Variants in TASP1 observed in about 807,000 individuals in gnomAD.
The protein encoded by TASP1 is taspase 1.
TASP1 carries 16 observed loss-of-function variants against 56.6 expected under a neutral mutation model. The ratio of observed to expected loss-of-function variants is 0.28; its 90% CI spans 0.19 to 0.43. TASP1 has a LOEUF of 0.43. Ranked by LOEUF, TASP1 falls within the 20% of genes least tolerant of loss-of-function variation. TASP1 has a pLI of 1.00. For missense variants in TASP1, 393 were observed against 511.6 expected (o/e 0.77, Z 2.24); for synonymous variants, 179 against 184.2 (o/e 0.97, Z 0.23).
chr20:13,382,811 C>T, the TASP1 span, among the ~76,000 whole-genome samples: 6 of 152,060 alleles, frequency 3.9e-5, no homozygotes, highest in African/African-American at 1.2e-4. Context: ...TTTGCTATGC[C>T]ATAATTGTTG....
chr20:13,116,218 T>G, the TASP1 span, among the ~76,000 whole-genome samples: 1 of 152,192 alleles, frequency 6.6e-6, no homozygotes, highest in Non-Finnish European at 1.5e-5. Flanking sequence ...CTTAAGCTTA[T>G]TTTTTAATAC....
the TASP1 span, among the ~76,000 whole-genome samples, chr20:13,254,058 T>TA: frequency 3.2e-3 from 370 of 116,180 alleles, 1 homozygote; most frequent in Middle Eastern, 0.015. Flanking sequence ...TCATCTCTAC[T>TA]AAAAAAAAAA....
At chr20:13,145,473 C>T in the TASP1 span, among the ~76,000 whole-genome samples, 4 of 152,030 alleles carry the variant, frequency 2.6e-5, no homozygotes, top group East Asian at 7.7e-4. Context: ...AAACACTGTT[C>T]AAAGAAACCA....
intron 11 of TASP1, among the ~76,000 whole-genome samples, chr20:13,440,700 G>A (rs2043184628): frequency 6.6e-6 from 1 of 151,138 alleles, no homozygotes. Context: ...AAAAGAGGGA[G>A]AAATATAATA....
At chr20:13,403,709 C>T (rs1292823873) in intron 13 of TASP1, among the ~76,000 whole-genome samples, 1 of 152,028 alleles carries the variant, frequency 6.6e-6, no homozygotes, top group East Asian at 1.9e-4. Flanking sequence ...TAGCAAGACC[C>T]TGTCTTGACA....
the TASP1 span, among the ~76,000 whole-genome samples, chr20:13,152,925 C>T: frequency 6.6e-6 from 1 of 152,134 alleles, no homozygotes; most frequent in Admixed American, 6.6e-5. Flanking sequence ...TTACAAACAC[C>T]CATGAGTGAT....
intron 4 of TASP1, among the ~76,000 whole-genome samples, chr20:13,597,179 T>A (rs2047764414): frequency 1.3e-5 from 2 of 152,188 alleles, no homozygotes; most frequent in African/African-American, 4.8e-5. Context: ...CTAACTCATT[T>A]TATGAGGCCA....
chr20:13,551,805 C>A (rs928868358), intron 8 of TASP1, among the ~76,000 whole-genome samples: 1 of 152,158 alleles, frequency 6.6e-6, no homozygotes, highest in African/African-American at 2.4e-5. Context: ...ACAATACAAC[C>A]ACTTTTTTCT....
chr20:13,611,698 C>T (rs1340616230), intron 4 of TASP1, among the ~76,000 whole-genome samples: 2 of 152,158 alleles, frequency 1.3e-5, no homozygotes, highest in Non-Finnish European at 2.9e-5. Context: ...TCCAGCTATA[C>T]CTTAAAATGA....
At chr20:13,388,978 C>T (rs2041185259), downstream of TASP1, among the ~76,000 whole-genome samples, 1 of 152,154 alleles carries the variant, frequency 6.6e-6, no homozygotes, top group Non-Finnish European at 1.5e-5. Context: ...AGGGCACTTC[C>T]TCCCCCTGAG....
At chr20:13,419,099 G>A (rs1474954) in intron 12 of TASP1, among the ~76,000 whole-genome samples, 93,965 of 151,990 alleles carry the variant, frequency 0.62, 29,690 homozygotes, top group Non-Finnish European at 0.69. Context: ...CAGTAGTGTT[G>A]TATCAATACT....
rs138990123 is a variant in TASP1 at position 13,468,080 on chromosome 20, T to C, written c.985+15147A>G. ...CAAAAAACAAAACCACATACACACATTTACAGCAAACACACTGAAAATTTT... is the reference window on the plus strand; with the variant it reads ...CAAAAAACAAAACCACATACACACACTTACAGCAAACACACTGAAAATTTT... On this transcript the variant is annotated intron_variant, in intron 11 of 13. Coordinates refer to ENST00000337743, the MANE Select transcript of TASP1 (RefSeq NM_017714.3). Among the ~76,000 whole-genome samples the C allele has an allele frequency of 5.4e-3, 820 of 152,070 alleles. 3 individuals are homozygous for C. Among genetic ancestry groups the C allele is most frequent in the African/African-American group, 0.019 (774 of 41,470 alleles).
intron 1 of TASP1, among the ~76,000 whole-genome samples, chr20:13,636,289 G>A (rs1224612081): frequency 6.6e-6 from 1 of 151,282 alleles, no homozygotes. Flanking sequence ...GGAATTACAG[G>A]CGCAGGCCAC....
In TASP1 at chr20:13,390,068, G is replaced by A. The variant is rs1044087286; in HGVS notation, c.*292C>T. On this transcript the variant is annotated 3_prime_UTR_variant, in exon 14 of 14. Transcript: ENST00000337743. ...TTGTAAAGATGATTTAACCATTCCT[G>A]GTCACACAATGAGGAGTTTCTATTT... The A allele has an allele frequency of 1.0e-5, 3 of 291,958 alleles. No individual in the cohort carries two copies. The highest frequency in any genetic ancestry group is 2.2e-5 in the African/African-American group (1 of 45,616). 18.1% of individuals were successfully genotyped at this position (291,958 alleles called of 1,614,324 possible). A position where few individuals can be genotyped will look rare whatever the true frequency, so the allele number is the denominator to read the frequency against.
chr20:13,356,974 C>T, the TASP1 span, among the ~76,000 whole-genome samples: 1 of 152,310 alleles, frequency 6.6e-6, no homozygotes, highest in South Asian at 2.1e-4. Flanking sequence ...GCTTGGCAGT[C>T]TTGCTCTGTT....
At chr20:13,117,670 T>G in the TASP1 span, 1 of 1,613,912 alleles carries the variant, frequency 6.2e-7, no homozygotes. Flanking sequence ...GATGTGCTCA[T>G]GGGCACATTC....
chr20:13,417,527 A>G lies in TASP1; in HGVS notation c.1097-6T>C. ...GTGGCTCCACAGAAATTCCACTGCCATAAAAGAGAACACAAATAGGCACAT... is the reference window on the plus strand; with the variant it reads ...GTGGCTCCACAGAAATTCCACTGCCGTAAAAGAGAACACAAATAGGCACAT... On this transcript the variant is annotated splice_polypyrimidine_tract_variant and splice_region_variant and intron_variant, in intron 12 of 13. Transcript: ENST00000337743. 6.2e-7 allele frequency: 1 copy of G among 1,614,116 alleles called. No homozygotes were observed. The highest frequency in any genetic ancestry group is 8.5e-7 in the Non-Finnish European group (1 of 1,179,974).
chr20:13,634,234 T>C (rs1300900744), intron 1 of TASP1, among the ~76,000 whole-genome samples: 1 of 152,206 alleles, frequency 6.6e-6, no homozygotes, highest in Non-Finnish European at 1.5e-5. Flanking sequence ...TGACACATAC[T>C]ATGTCATTAA....
chr20:13,466,431 T>C (rs1416074198), intron 11 of TASP1, among the ~76,000 whole-genome samples: 1 of 152,126 alleles, frequency 6.6e-6, no homozygotes, highest in African/African-American at 2.4e-5. Context: ...AATCCAGTTA[T>C]GTAAGTCCTC....
Sources: gnomAD v4.1 joint callset for allele counts (sites outside exome capture counted in the v4.1 genomes callset) on GRCh38, gnomAD v4.1.1 for gene constraint, MANE v1.5 for transcripts, NCBI Gene and HGNC (gene_info 2026-07-23, HGNC 2026-07-21) for gene names.